Variants in NEGR1 observed in about 807,000 individuals in gnomAD.
NEGR1 encodes IgLON family member 4.
NEGR1 carries 10 observed loss-of-function variants against 40.9 expected under a neutral mutation model. The ratio of observed to expected loss-of-function variants is 0.24; its 90% CI spans 0.15 to 0.42. The LOEUF (loss-of-function observed/expected upper bound fraction) is 0.42. Among genes scored for constraint, NEGR1 ranks in the 10% least tolerant of loss-of-function variants. NEGR1 has a pLI of 1.00. For synonymous variants in NEGR1, 185 were observed against 166.8 expected, an observed-to-expected ratio of 1.11 and a Z score of -0.84; for missense variants, 352 against 438.9, an observed-to-expected ratio of 0.80 and a Z score of 1.77.
chr1:71,530,449 T>C (rs1315138920), intron 6 of NEGR1, among the ~76,000 whole-genome samples: 1 of 151,312 alleles, frequency 6.6e-6, no homozygotes, highest in Non-Finnish European at 1.5e-5. Flanking sequence ...ATACCGCTCT[T>C]TCAATCCTGC....
intron 6 of NEGR1, among the ~76,000 whole-genome samples, chr1:71,475,055 T>C (rs1646811061): frequency 6.6e-6 from 1 of 151,994 alleles, no homozygotes; most frequent in Admixed American, 6.6e-5. Context: ...TAAACATGGT[T>C]AGAAAAAATA....
At position 71,784,102 on chromosome 1, in the gene NEGR1, T is replaced by C. The variant is rs1368529805; in HGVS notation, c.410-7805A>G. 3.9e-5 allele frequency among the ~76,000 whole-genome samples: 6 copies of C among 152,154 alleles called. No individual in the cohort carries two copies. The East Asian group carries it at 1.2e-3, about 29-fold the overall frequency. ...AAGGCTTTTTGAAACAGGTGGAATT[T>C]GAACAGAATTTGGTGGTTTAAAACA... On this transcript the variant is annotated intron_variant, in intron 2 of 6. Coordinates refer to ENST00000357731, the MANE Select transcript of NEGR1 (RefSeq NM_173808.3).
Position 72,099,290 on chromosome 1 carries a change from T to A in NEGR1, c.177-163979A>T, listed in dbSNP as rs552573019. ...GTGAAGATGATTTTATTTCAAAGAA[T>A]ACAATTGCTTTTCCTATCCTAGCTT... On this transcript the variant is annotated intron_variant, in intron 1 of 6. Transcript: ENST00000357731. Among the ~76,000 whole-genome samples the A allele has an allele frequency of 2.0e-5, 3 of 152,124 alleles. No homozygotes were observed. In the South Asian group the frequency reaches 6.2e-4, roughly 31 times the overall value.
chr1:71,441,831 A>C lies in NEGR1; in HGVS notation c.941-34261T>G, dbSNP rs183102674. Among the ~76,000 whole-genome samples the C allele has an allele frequency of 6.6e-5, 10 of 152,324 alleles. No individual in the cohort carries two copies. The East Asian group carries it at 1.7e-3, about 27-fold the overall frequency. Reference sequence around the variant, plus strand: ...CTACATGGACAAGCATTTACAAACAAAGATAGTCCAATTAGGAGAGGAAAC... The same window carrying C: ...CTACATGGACAAGCATTTACAAACACAGATAGTCCAATTAGGAGAGGAAAC... On this transcript the variant is annotated intron_variant, in intron 6 of 6. Coordinates refer to ENST00000357731, the MANE Select transcript of NEGR1 (RefSeq NM_173808.3).
chr1:72,136,945 A>T (rs1650491092), intron 1 of NEGR1, among the ~76,000 whole-genome samples: 1 of 152,230 alleles, frequency 6.6e-6, no homozygotes, highest in African/African-American at 2.4e-5. Flanking sequence ...GGATATTAAC[A>T]GACACTTCTC....
At chr1:71,923,625 C>G (rs540760324) in intron 2 of NEGR1, among the ~76,000 whole-genome samples, 1 of 152,092 alleles carries the variant, frequency 6.6e-6, no homozygotes, top group African/African-American at 2.4e-5. Flanking sequence ...CAGCTATACT[C>G]GAGGTGTTGG....
chr1:71,456,384 A>G (rs937742494), intron 6 of NEGR1, among the ~76,000 whole-genome samples: 2 of 152,200 alleles, frequency 1.3e-5, no homozygotes, highest in African/African-American at 4.8e-5. Context: ...CTAGGATTGC[A>G]ACAATGAACC....
chr1:71,670,797 G>A (rs1272059106), intron 4 of NEGR1, among the ~76,000 whole-genome samples: 1 of 151,968 alleles, frequency 6.6e-6, no homozygotes, highest in Non-Finnish European at 1.5e-5. Flanking sequence ...CCATAGATAT[G>A]TCTCTCTGAT....
chr1:72,054,104 G>T (rs1019377517), intron 1 of NEGR1, among the ~76,000 whole-genome samples: 1 of 151,268 alleles, frequency 6.6e-6, no homozygotes, highest in Non-Finnish European at 1.5e-5. Context: ...GAAAATTACA[G>T]CAAAATATCT....
intron 1 of NEGR1, among the ~76,000 whole-genome samples, chr1:72,154,244 G>T (rs1454881981): frequency 6.6e-6 from 1 of 151,712 alleles, no homozygotes; most frequent in Non-Finnish European, 1.5e-5. Flanking sequence ...AAGGGATGAG[G>T]TGAAGTTCCT....
intron 6 of NEGR1, among the ~76,000 whole-genome samples, chr1:71,549,100 C>A (rs1647993251): frequency 6.6e-6 from 1 of 151,600 alleles, no homozygotes; most frequent in Non-Finnish European, 1.5e-5. Flanking sequence ...GTGTCTAGGC[C>A]AAAGGCTAGC....
chr1:71,407,327 C>A lies in NEGR1; in HGVS notation c.*119G>T, dbSNP rs1449472258. 1 of 804,564 alleles carries A rather than the reference C, an allele frequency of 1.2e-6. No homozygotes were observed. The highest frequency in any genetic ancestry group is 1.7e-5 in the African/African-American group (1 of 57,384). 49.8% of individuals were successfully genotyped at this position (804,564 alleles called of 1,614,324 possible). On this transcript the variant is annotated 3_prime_UTR_variant, in exon 7 of 7. Coordinates refer to ENST00000357731, the MANE Select transcript of NEGR1 (RefSeq NM_173808.3). Reference sequence around the variant, plus strand: ...AATGAGCAATTCTACAGAAGGCGATCATCCCCATGTAAGCACTGCTGATTA... The same window carrying A: ...AATGAGCAATTCTACAGAAGGCGATAATCCCCATGTAAGCACTGCTGATTA...
chr1:71,820,463 T>C (rs1483150021), intron 2 of NEGR1, among the ~76,000 whole-genome samples: 2 of 152,006 alleles, frequency 1.3e-5, no homozygotes, highest in Non-Finnish European at 1.5e-5. Context: ...TTGGGGAAAT[T>C]AAATATCTAG....
At chr1:71,823,617 G>C (rs190480928) in intron 2 of NEGR1, among the ~76,000 whole-genome samples, 10 of 152,086 alleles carry the variant, frequency 6.6e-5, no homozygotes, top group African/African-American at 1.7e-4. Context: ...TCTCAGACCT[G>C]AGCCTGTAAT....
At chr1:71,613,707 C>T (rs766600795) in intron 4 of NEGR1, among the ~76,000 whole-genome samples, 1 of 151,518 alleles carries the variant, frequency 6.6e-6, no homozygotes, top group Non-Finnish European at 1.5e-5. Flanking sequence ...TGTATGCATG[C>T]GTCTTTTCAT....
intron 1 of NEGR1, among the ~76,000 whole-genome samples, chr1:72,261,472 G>C (rs939282507): frequency 1.3e-5 from 2 of 151,928 alleles, no homozygotes; most frequent in African/African-American, 4.8e-5. Flanking sequence ...CTATATATTT[G>C]TTAACACTAT....
At chr1:71,940,758 T>A (rs539967762) in intron 1 of NEGR1, among the ~76,000 whole-genome samples, 1 of 152,292 alleles carries the variant, frequency 6.6e-6, no homozygotes, top group South Asian at 2.1e-4. Context: ...GTGATTAAAT[T>A]GGAAAGGTGG....
Position 71,888,573 on chromosome 1 carries a change from C to A in NEGR1, c.409+46506G>T, listed in dbSNP as rs578024194. ...CCTGGCTGAGAGGGTCCTACGCCCA[C>A]GGAATCTCGCTGATTGCTAGCACAG... On this transcript the variant is annotated intron_variant, in intron 2 of 6. Transcript: ENST00000357731. Among the ~76,000 whole-genome samples, 828 of 149,174 alleles carry A rather than the reference C, an allele frequency of 5.6e-3. 2 individuals are homozygous for A. The highest frequency in any genetic ancestry group is 0.019 in the African/African-American group (782 of 40,508).
At chr1:71,470,424 T>C (rs1646774744) in intron 6 of NEGR1, among the ~76,000 whole-genome samples, 1 of 152,126 alleles carries the variant, frequency 6.6e-6, no homozygotes, top group Non-Finnish European at 1.5e-5. Context: ...AAAAGAGTTT[T>C]CATAAAACAC....
Sources: gnomAD v4.1 joint callset for allele counts (sites outside exome capture counted in the v4.1 genomes callset) on GRCh38, gnomAD v4.1.1 for gene constraint, MANE v1.5 for transcripts, NCBI Gene and HGNC (gene_info 2026-07-23, HGNC 2026-07-21) for gene names.